Variants in PTPRG observed in about 807,000 individuals in gnomAD.
PTPRG encodes receptor-type tyrosine-protein phosphatase gamma.
A neutral mutation model predicts 165.3 loss-of-function variants in PTPRG; 102 were observed. That is an observed-to-expected ratio of 0.62 (90% CI 0.53 to 0.73). The LOEUF is 0.73. Among genes scored for constraint, PTPRG ranks in the 30% least tolerant of loss-of-function variants. The pLI is 0.00. For missense variants in PTPRG, 1,866 were observed against 1,861.4 expected (o/e 1.00, Z -0.05); for synonymous variants, 675 against 669.5 (o/e 1.01, Z -0.13).
chr3:61,914,672 A>T (rs139502184), intron 2 of PTPRG, among the ~76,000 whole-genome samples: 19 of 152,276 alleles, frequency 1.2e-4, no homozygotes, highest in African/African-American at 4.6e-4. Context: ...CATTAATTCA[A>T]TCTTCTTCCT....
chr3:61,993,917 G>A (rs1371164268), intron 3 of PTPRG, among the ~76,000 whole-genome samples: 1 of 151,912 alleles, frequency 6.6e-6, no homozygotes, highest in Admixed American at 6.6e-5. Context: ...CCATAAAACA[G>A]CTTAAATGTT....
At chr3:62,231,359 T>G in intron 14 of PTPRG, 48 bp downstream of exon 14, 1 of 1,461,590 alleles carries the variant, frequency 6.8e-7, no homozygotes, top group Non-Finnish European at 9.1e-7. Context: ...TGGCCGGGAC[T>G]GGCTTGCCAA....
intron 2 of PTPRG, among the ~76,000 whole-genome samples, chr3:61,903,554 A>C (rs1025370805): frequency 2.0e-5 from 3 of 151,984 alleles, no homozygotes; most frequent in African/African-American, 7.2e-5. Flanking sequence ...TTGTATGTTT[A>C]GTAGAGACAG....
intron 1 of PTPRG, among the ~76,000 whole-genome samples, chr3:61,727,142 G>A (rs1235678084): frequency 1.3e-5 from 2 of 152,118 alleles, no homozygotes; most frequent in African/African-American, 4.8e-5. Context: ...TGCAGGAGGG[G>A]AGAGGAATAG....
intron 5 of PTPRG, among the ~76,000 whole-genome samples, chr3:62,117,755 A>G (rs1293814981): frequency 6.6e-6 from 1 of 152,250 alleles, no homozygotes; most frequent in Admixed American, 6.5e-5. Flanking sequence ...GGGTTCGAGC[A>G]TCTGACTGGC....
chr3:61,789,814 T>C (rs1042448147), intron 2 of PTPRG, among the ~76,000 whole-genome samples: 5 of 152,204 alleles, frequency 3.3e-5, no homozygotes, highest in Non-Finnish European at 7.4e-5. Context: ...GAGTTGATTG[T>C]TATTTGAGGC....
At chr3:61,762,663 C>A (rs77005777) in intron 2 of PTPRG, among the ~76,000 whole-genome samples, 1 of 152,216 alleles carries the variant, frequency 6.6e-6, no homozygotes, top group African/African-American at 2.4e-5. Context: ...GATTTTTCTC[C>A]TAAATTCCCA....
intron 5 of PTPRG, among the ~76,000 whole-genome samples, chr3:62,106,920 A>C (rs1039852088): frequency 1.3e-5 from 2 of 152,168 alleles, no homozygotes; most frequent in Admixed American, 1.3e-4. Flanking sequence ...GAATATAATG[A>C]TCGATATTAA....
In PTPRG at chr3:62,267,337, T is replaced by G. The variant is rs1444814357; in HGVS notation, c.2657-73T>G. 3.5e-6 allele frequency: 4 copies of G among 1,140,810 alleles called. No homozygotes were observed. In the African/African-American group the frequency reaches 6.3e-5, roughly 18 times the overall value. The allele number at this position is 1,140,810 out of a possible 1,614,324, so 70.7% of individuals were successfully genotyped here. On this transcript the variant is annotated intron_variant, in intron 17 of 29. Transcript: ENST00000474889. ...GATGTCATGTTACCTGATTGCCTTG[T>G]GTTGTGCTTTAGAATGGTGCTAGTT...
intron 15 of PTPRG, among the ~76,000 whole-genome samples, chr3:62,251,679 T>A (rs1231474924): frequency 6.6e-6 from 1 of 152,128 alleles, no homozygotes; most frequent in Admixed American, 6.6e-5. Flanking sequence ...GTGATATTTA[T>A]CAGATTAACC....
intron 1 of PTPRG, among the ~76,000 whole-genome samples, chr3:61,692,407 A>G (rs1268594657): frequency 6.6e-6 from 1 of 152,228 alleles, no homozygotes; most frequent in African/African-American, 2.4e-5. Context: ...TGTAAGTTAC[A>G]GGTTGTGGCA....
chr3:61,834,588 G>A (rs1267851448), intron 2 of PTPRG, among the ~76,000 whole-genome samples: 1 of 152,186 alleles, frequency 6.6e-6, no homozygotes, highest in Non-Finnish European at 1.5e-5. Context: ...GCCGAGGCAG[G>A]TGGATCAGGA....
intron 3 of PTPRG, among the ~76,000 whole-genome samples, chr3:61,994,533 A>G (rs1186090694): frequency 2.6e-5 from 4 of 152,206 alleles, no homozygotes; most frequent in Non-Finnish European, 5.9e-5. Context: ...ACAAGAATCA[A>G]CGGGAGGGAA....
At chr3:61,856,407 G>C (rs1042334419) in intron 2 of PTPRG, among the ~76,000 whole-genome samples, 3 of 152,050 alleles carry the variant, frequency 2.0e-5, no homozygotes, top group Non-Finnish European at 4.4e-5. Context: ...TTAAGCTCTA[G>C]CATAAGAACA....
rs2033621020 is a variant in PTPRG, at chr3:61,755,967, G to A, written c.190+6985G>A. 1.3e-5 allele frequency among the ~76,000 whole-genome samples: 2 copies of A among 152,170 alleles called. 1 individual carries two copies. The highest frequency in any genetic ancestry group is 4.1e-4 in the South Asian group (2 of 4,832). ...GGAGGAAGAGGGCAGGATGAAAAAT[G>A]ATGGGGCTGTATCACTGGGGATTTG... On this transcript the variant is annotated intron_variant, in intron 2 of 29. Transcript: ENST00000474889.
intron 2 of PTPRG, among the ~76,000 whole-genome samples, chr3:61,971,901 C>G (rs1337352377): frequency 6.6e-6 from 1 of 152,186 alleles, no homozygotes; most frequent in African/African-American, 2.4e-5. Flanking sequence ...TAAAGTGAAA[C>G]TGCGTTGTTA....
chr3:61,580,100 G>T (rs1301165692), intron 1 of PTPRG, among the ~76,000 whole-genome samples: 1 of 152,158 alleles, frequency 6.6e-6, no homozygotes, highest in African/African-American at 2.4e-5. Context: ...TATGTTATTA[G>T]TAAGGCTTGT....
chr3:61,773,171 G>A (rs916624506), intron 2 of PTPRG, among the ~76,000 whole-genome samples: 3 of 152,138 alleles, frequency 2.0e-5, no homozygotes, highest in Non-Finnish European at 4.4e-5. Flanking sequence ...TTGAATGTAT[G>A]CAATAAATTA....
At chr3:62,058,255 T>C (rs1377548198) in intron 4 of PTPRG, among the ~76,000 whole-genome samples, 1 of 152,178 alleles carries the variant, frequency 6.6e-6, no homozygotes, top group Non-Finnish European at 1.5e-5. Flanking sequence ...ACCTTAATAA[T>C]CTTATAAGGG....
Sources: gnomAD v4.1 joint callset for allele counts (sites outside exome capture counted in the v4.1 genomes callset) on GRCh38, gnomAD v4.1.1 for gene constraint, MANE v1.5 for transcripts, NCBI Gene and HGNC (gene_info 2026-07-23, HGNC 2026-07-21) for gene names.